CTNND2: variants seen among roughly 807,000 people sequenced by gnomAD.
CTNND2 encodes catenin delta 2, also known as catenin delta-2.
CTNND2 carries 22 observed loss-of-function variants against 144.4 expected under a neutral mutation model. The observed-to-expected ratio is 0.15, with a 90% CI of 0.11 to 0.22. The LOEUF (loss-of-function observed/expected upper bound fraction) is 0.22. CTNND2 is among the 10% of genes least tolerant of loss of function. The pLI, the probability that CTNND2 is intolerant of heterozygous loss-of-function variation, is 1.00. For missense variants in CTNND2, 1,353 were observed against 1,618.8 expected, an observed-to-expected ratio of 0.84 and a Z score of 2.82; for synonymous variants, 751 against 695.6, an observed-to-expected ratio of 1.08 and a Z score of -1.25.
rs1472445961 is a variant in CTNND2, at chr5:11,644,652, C to T, written c.175-79596G>A. On this transcript the variant is annotated intron_variant, in intron 2 of 21. Transcript: ENST00000304623. The stretch of plus-strand genomic sequence containing the variant: ...TCACGCCACTGCACTCTGGCATGGG[C>T]GAAAGAACAAGACTCCATCTCAAAA... Among the ~76,000 whole-genome samples the T allele has an allele frequency of 1.1e-4, 16 of 139,140 alleles. No homozygotes were observed. In the South Asian group the frequency reaches 1.3e-3, roughly 12 times the overall value. The allele number at this position is 139,140 out of a possible 152,430, so 91.3% of individuals were successfully genotyped here.
intron 16 of CTNND2, among the ~76,000 whole-genome samples, chr5:11,048,333 G>A (rs1315562932): frequency 6.6e-6 from 1 of 152,176 alleles, no homozygotes; most frequent in Non-Finnish European, 1.5e-5. Flanking sequence ...CCCTGAGTGA[G>A]GGTAGCTGCC....
At chr5:11,281,034 C>T (rs1747058516) in intron 9 of CTNND2, among the ~76,000 whole-genome samples, 1 of 152,216 alleles carries the variant, frequency 6.6e-6, no homozygotes, top group South Asian at 2.1e-4. Flanking sequence ...TTCTTTGAAT[C>T]AGCATGTAAC....
chr5:11,869,020 T>C (rs913563110), intron 1 of CTNND2, among the ~76,000 whole-genome samples: 9 of 152,114 alleles, frequency 5.9e-5, no homozygotes, highest in Non-Finnish European at 1.2e-4. Flanking sequence ...CAACAGTCAT[T>C]AGGGAAGCAC....
In CTNND2 at chr5:11,549,731, A is replaced by G. The variant is rs192504634; in HGVS notation, c.287+15213T>C. Among the ~76,000 whole-genome samples, 3 of 152,262 alleles carry G rather than the reference A, an allele frequency of 2.0e-5. No individual in the cohort carries two copies. The East Asian group carries it at 5.8e-4, about 29-fold the overall frequency. On this transcript the variant is annotated intron_variant, in intron 3 of 21. Coordinates refer to ENST00000304623, the MANE Select transcript of CTNND2 (RefSeq NM_001332.4). ...TTGTAGGGACCTTGAGCAACTATCC[A>G]CCTGAGGGCAATACCATTTTCATAG...
chr5:11,364,731 G>A lies in CTNND2; in HGVS notation c.1337C>T (p.Pro446Leu), dbSNP rs747652289. 22 of 1,613,734 alleles carry A rather than the reference G, an allele frequency of 1.4e-5. No individual in the cohort carries two copies. Among genetic ancestry groups the A allele is most frequent in the East Asian group, 2.2e-5 (1 of 44,838 alleles). Residue 446 changes from proline (P) to leucine (L), a missense_variant, in exon 8 of 22, where the codon CCG becomes CTG. Coordinates refer to ENST00000304623, the MANE Select transcript of CTNND2 (RefSeq NM_001332.4). ...SLSQSQGDPL[P>L]PAHTGTYRTS... ...GCGGTAGGTGCCGGTGTGTGCTGGC[G>A]GCAGAGGGTCCCCCTGGCTCTGGCT...
chr5:11,046,880 C>A (rs1187802281), intron 16 of CTNND2, among the ~76,000 whole-genome samples: 1 of 152,156 alleles, frequency 6.6e-6, no homozygotes, highest in African/African-American at 2.4e-5. Flanking sequence ...GCTTCAAGCT[C>A]CCTGGAGTTA....
At chr5:11,522,519 C>T (rs191240575) in intron 3 of CTNND2, among the ~76,000 whole-genome samples, 45 of 152,254 alleles carry the variant, frequency 3.0e-4, no homozygotes, top group African/African-American at 1.0e-3. Flanking sequence ...TAGATTTTAA[C>T]GTTATACCCG....
chr5:11,530,686 G>A (rs989185543), intron 3 of CTNND2, among the ~76,000 whole-genome samples: 6 of 152,184 alleles, frequency 3.9e-5, no homozygotes, highest in Non-Finnish European at 7.3e-5. Flanking sequence ...TCACATAAGA[G>A]GGGCAGAGCC....
intron 10 of CTNND2, among the ~76,000 whole-genome samples, chr5:11,231,072 C>A (rs181175008): frequency 6.6e-6 from 1 of 152,098 alleles, no homozygotes; most frequent in African/African-American, 2.4e-5. Flanking sequence ...ATGGTGTTCT[C>A]GTGATAATGA....
intron 14 of CTNND2, among the ~76,000 whole-genome samples, chr5:11,104,852 G>A (rs1752265075): frequency 6.6e-6 from 1 of 152,290 alleles, no homozygotes; most frequent in African/African-American, 2.4e-5. Context: ...TTAGAAACCC[G>A]CATTAAAGAG....
At chr5:11,461,650 T>C (rs1228127978) in intron 3 of CTNND2, among the ~76,000 whole-genome samples, 1 of 152,170 alleles carries the variant, frequency 6.6e-6, no homozygotes, top group Non-Finnish European at 1.5e-5. Flanking sequence ...GCAAGAATCA[T>C]AAACTCATGG....
intron 9 of CTNND2, among the ~76,000 whole-genome samples, chr5:11,287,184 A>G (rs1028483765): frequency 6.6e-6 from 1 of 152,228 alleles, no homozygotes; most frequent in Non-Finnish European, 1.5e-5. Flanking sequence ...ATTATTACAG[A>G]TGTTTTTGTG....
chr5:11,712,074 G>A (rs1473975111), intron 2 of CTNND2, among the ~76,000 whole-genome samples: 1 of 152,132 alleles, frequency 6.6e-6, no homozygotes, highest in Non-Finnish European at 1.5e-5. Flanking sequence ...CTTTGCCTGT[G>A]GAGTGAGAAC....
intron 1 of CTNND2, among the ~76,000 whole-genome samples, chr5:11,865,137 C>T (rs535526305): frequency 7.5e-4 from 114 of 152,156 alleles, no homozygotes; most frequent in African/African-American, 2.4e-3. Flanking sequence ...TCAGGTGATC[C>T]GCGTGCCTCG....
chr5:11,869,322 C>T (rs927592624), intron 1 of CTNND2, among the ~76,000 whole-genome samples: 4 of 152,150 alleles, frequency 2.6e-5, no homozygotes, highest in Admixed American at 2.6e-4. Context: ...GAAAGCAACT[C>T]GAATGTCAAT....
At chr5:11,804,382 T>A (rs1307298622) in intron 1 of CTNND2, among the ~76,000 whole-genome samples, 2 of 152,166 alleles carry the variant, frequency 1.3e-5, no homozygotes, top group African/African-American at 4.8e-5. Context: ...TGAAAATATG[T>A]TGACACAAAA....
At chr5:11,446,679 T>C (rs923217534) in intron 3 of CTNND2, among the ~76,000 whole-genome samples, 1 of 152,098 alleles carries the variant, frequency 6.6e-6, no homozygotes, top group African/African-American at 2.4e-5. Context: ...GTACCCCACA[T>C]CTGTGGGGAA....
chr5:11,377,160 C>G (rs534988602), intron 7 of CTNND2, among the ~76,000 whole-genome samples: 16 of 152,022 alleles, frequency 1.1e-4, no homozygotes, highest in Admixed American at 4.6e-4. Flanking sequence ...AAGCAATGCT[C>G]CTGCCTCAGC....
intron 10 of CTNND2, among the ~76,000 whole-genome samples, chr5:11,208,759 G>C (rs1044827084): frequency 6.6e-6 from 1 of 152,096 alleles, no homozygotes; most frequent in Non-Finnish European, 1.5e-5. Context: ...CAAAAGCCAG[G>C]AGCCATAATG....
Sources: allele counts gnomAD v4.1 joint callset (sites outside exome capture counted in the v4.1 genomes callset), GRCh38; gene constraint gnomAD v4.1.1; transcripts MANE v1.5; gene names NCBI Gene and HGNC (gene_info 2026-07-23, HGNC 2026-07-21).